DMTN: variants seen among roughly 807,000 people sequenced by gnomAD.
DMTN encodes the protein dematin.
DMTN carries 27 observed loss-of-function variants against 59.4 expected under a neutral mutation model. The observed-to-expected ratio is 0.45, with a 90% confidence interval of 0.33 to 0.63. The LOEUF (loss-of-function observed/expected upper bound fraction) is 0.63. Among genes scored for constraint, DMTN ranks in the 20% least tolerant of loss-of-function variants. DMTN has a pLI of 0.02. For synonymous variants in DMTN, 221 were observed against 203.7 expected (o/e 1.08, Z -0.72); for missense variants, 451 against 528.9 (o/e 0.85, Z 1.45).
Position 22,081,093 on chromosome 8 carries a change from GCCCCTC to G in DMTN, c.1024-15_1024-10del. 1.9e-6 allele frequency: 3 copies of G among 1,572,750 alleles called. No homozygotes were observed. The highest frequency in any genetic ancestry group is 2.6e-6 in the Non-Finnish European group (3 of 1,144,668). Reference sequence around the variant, plus strand: ...CAGGATATTCTGTGAGCCTAAGATTGCCCCTCCCCCCACCCCCAGATCTATCCCTAT... The same window carrying G: ...CAGGATATTCTGTGAGCCTAAGATTGCCCCCACCCCCAGATCTATCCCTAT... On this transcript the variant is annotated splice_polypyrimidine_tract_variant and intron_variant, in intron 14 of 15. Transcript: ENST00000358242.
rs1350362537 is a variant in DMTN, at chr8:22,080,845, C to A, written c.998C>A (p.Ser333Tyr). ...GQRGRMDRGN[S>Y]LPCVLEQKIY... ...AGGGGGAGGATGGACCGGGGGAACT[C>A]CCTGCCCTGTGTGCTGGAGCAGAAG... Residue 333 changes from serine to tyrosine, a missense_variant, in exon 14 of 16, where the codon TCC becomes TAC. Physicochemically the swap from Ser to Tyr is moderately radical, Grantham distance 144 (BLOSUM62 -2). Transcript: ENST00000358242. The A allele has an allele frequency of 6.3e-7, 1 of 1,591,470 alleles. No homozygotes were observed. The highest frequency in any genetic ancestry group is 2.2e-5 in the East Asian group (1 of 44,446).
Position 22,067,610 on chromosome 8 carries a change from C to T in DMTN, c.177C>T (p.Pro59=), listed in dbSNP as rs1366575497. Residue 59 remains proline (P), a synonymous_variant, in exon 4 of 16, where the codon CCC becomes CCT. Coordinates refer to ENST00000358242, the MANE Select transcript of DMTN (RefSeq NM_001387751.1). ...KDKAILDIER[P]DLMIYEPHFT... is the part of the protein sequence containing the mutation. ...AGGCCATCCTGGACATCGAGCGGCCCGACCTCATGATCTACGAGCCTCACT... is the reference window on the plus strand; with the variant it reads ...AGGCCATCCTGGACATCGAGCGGCCTGACCTCATGATCTACGAGCCTCACT... 1.2e-6 allele frequency: 2 copies of T among 1,614,056 alleles called. No individual in the cohort carries two copies. Among genetic ancestry groups the T allele is most frequent in the Non-Finnish European group, 8.5e-7 (1 of 1,180,048 alleles).
intron 3 of DMTN, 123 bp downstream of exon 3, chr8:22,067,282 C>A: frequency 8.3e-7 from 1 of 1,209,616 alleles, no homozygotes; most frequent in Non-Finnish European, 1.2e-6. Context: ...TGCTGGCGGG[C>A]AGAGAGAACC....
chr8:22,049,575 C>T (rs1399644827), upstream of DMTN, among the ~76,000 whole-genome samples: 1 of 150,572 alleles, frequency 6.6e-6, no homozygotes, highest in African/African-American at 2.4e-5. Context: ...GACAACCCCC[C>T]CCCCCCGCCA....
rs753759713 is a variant in DMTN at position 22,080,430 on chromosome 8, A to G, written c.919A>G (p.Ser307Gly). Residue 307 changes from serine (S) to glycine (G), a missense_variant, in exon 12 of 16, where the codon AGC becomes GGC. By Grantham distance (56) the Ser-to-Gly change is moderately conservative. Coordinates refer to ENST00000358242, the MANE Select transcript of DMTN (RefSeq NM_001387751.1). ...TTTCTAGCTACAGTCCACAGAGTTC[A>G]GCCCATCAGGGAGTGAGACTGGAAG... ...TLSRLQSTEFSPSGSETGSPG... is the reference protein window; with the variant it reads ...TLSRLQSTEFGPSGSETGSPG... The G allele has an allele frequency of 1.2e-6, 2 of 1,614,116 alleles. No homozygotes were observed. The highest frequency in any genetic ancestry group is 2.7e-5 in the African/African-American group (2 of 74,936).
intron 1 of DMTN, among the ~76,000 whole-genome samples, chr8:22,063,362 G>T (rs1005722466): frequency 3.8e-4 from 58 of 152,292 alleles, no homozygotes; most frequent in African/African-American, 1.4e-3. Context: ...GACCTGGATC[G>T]CCTCTGCCTG....
At chr8:22,075,151 C>T (rs1818705105) in intron 10 of DMTN, among the ~76,000 whole-genome samples, 1 of 149,112 alleles carries the variant, frequency 6.7e-6, no homozygotes, top group Non-Finnish European at 1.5e-5. Flanking sequence ...GGAGCCACTG[C>T]ACTCCAGCCT....
intron 10 of DMTN, 50 bp from the exon 11 acceptor site, chr8:22,080,130 G>T: frequency 1.2e-6 from 2 of 1,608,326 alleles, no homozygotes; most frequent in Non-Finnish European, 1.7e-6. Flanking sequence ...TCTCAGGAAG[G>T]GCTGTCAGGG....
At chr8:22,054,103 T>TACACAC (rs71916677), upstream of DMTN, among the ~76,000 whole-genome samples, 294 of 148,422 alleles carry the variant, frequency 2.0e-3, 4 homozygotes, top group East Asian at 0.043. Context: ...CCACCACCAA[T>TACACAC]ACACACACAC....
chr8:22,064,300 G>C (rs1309262413), intron 1 of DMTN, among the ~76,000 whole-genome samples: 2 of 152,266 alleles, frequency 1.3e-5, no homozygotes, highest in African/African-American at 4.8e-5. Flanking sequence ...GATAAGAGAG[G>C]AGAGGGAGCT....
rs146304843 is a variant in DMTN at position 22,058,211 on chromosome 8, C to T, written c.-172+1075C>T. 1.1e-3 allele frequency among the ~76,000 whole-genome samples: 161 copies of T among 152,214 alleles called. 2 individuals carry two copies. The highest frequency in any genetic ancestry group is 3.9e-4 in the East Asian group (2 of 5,158). On this transcript the variant is annotated intron_variant, in intron 1 of 15. Coordinates refer to ENST00000358242, the MANE Select transcript of DMTN (RefSeq NM_001387751.1). This position sits in a 1 kb window ranked among gnomAD's most constrained non-coding sequence, Gnocchi z 4.3. Reference sequence around the variant, plus strand: ...TGTGCCCACCTGTCCATCTTGTGTCCGTGCTGCCGGCCTCTCTGTGGTCAG... The same window carrying T: ...TGTGCCCACCTGTCCATCTTGTGTCTGTGCTGCCGGCCTCTCTGTGGTCAG...
At position 22,080,645 on chromosome 8, in the gene DMTN, GA is replaced by G. The variant is rs1164770023; in HGVS notation, c.957+22del. 6.2e-7 allele frequency: 1 copy of G among 1,600,498 alleles called. No individual in the cohort carries two copies. The highest frequency in any genetic ancestry group is 8.5e-7 in the Non-Finnish European group (1 of 1,173,380). On this transcript the variant is annotated intron_variant, in intron 13 of 15. Transcript: ENST00000358242. ...CTGCAGGTGAGTGCCTCCTGGAGGG[GA>G]ACAGGCAGAGCAGCAGAAGCTGGGT... is the stretch of plus-strand genomic sequence containing the variant.
At position 22,070,219 on chromosome 8, in the gene DMTN, C is replaced by A; in HGVS notation, c.489C>A (p.Ile163=). The A allele has an allele frequency of 8.1e-6, 13 of 1,608,412 alleles. No individual in the cohort carries two copies. The highest frequency in any genetic ancestry group is 1.1e-5 in the Non-Finnish European group (13 of 1,177,122). Residue 163 remains isoleucine (I), a synonymous_variant, in exon 8 of 16, where the codon ATC becomes ATA. Coordinates refer to ENST00000358242, the MANE Select transcript of DMTN (RefSeq NM_001387751.1). ...VGGSPQTKHL[I]EDLIIESSKF... ...GCAGCCCTCAGACCAAGCACCTCAT[C>A]GAGGATCTCATCATCGAGTCATCCA...
chr8:22,073,396 C>T (rs1321217205), intron 9 of DMTN, among the ~76,000 whole-genome samples: 1 of 151,942 alleles, frequency 6.6e-6, no homozygotes, highest in Non-Finnish European at 1.5e-5. Context: ...GAGGCCGAGG[C>T]AGGAGGATCA....
chr8:22,059,156 AG>A (rs1262226781), intron 1 of DMTN: 1 of 152,186 alleles, frequency 6.6e-6, no homozygotes, highest in Non-Finnish European at 1.5e-5. Flanking sequence ...AGAGGGTGAA[AG>A]GGAAAGAGGG....
At chr8:22,072,864 T>G (rs1482603874) in intron 9 of DMTN, among the ~76,000 whole-genome samples, 2 of 150,606 alleles carry the variant, frequency 1.3e-5, no homozygotes, top group Non-Finnish European at 3.0e-5. Flanking sequence ...TTGGAACATG[T>G]TGGGGAGCCG....
chr8:22,067,180 C>A, intron 3 of DMTN, 21 bp downstream of exon 3: 1 of 1,607,192 alleles, frequency 6.2e-7, no homozygotes, highest in Non-Finnish European at 8.5e-7. Flanking sequence ...CTCTCGGCCA[C>A]CAGCAACCCC....
upstream of DMTN, among the ~76,000 whole-genome samples, chr8:22,055,779 G>A (rs1017645315): frequency 1.3e-5 from 2 of 151,944 alleles, no homozygotes; most frequent in African/African-American, 4.8e-5. Flanking sequence ...GTCCCCACCA[G>A]CCAGATACTT....
chr8:22,063,403 T>C (rs1410945098), intron 1 of DMTN, among the ~76,000 whole-genome samples: 1 of 152,198 alleles, frequency 6.6e-6, no homozygotes, highest in African/African-American at 2.4e-5. Flanking sequence ...GCCACCAGAT[T>C]CATTTTCCCA....
Sources: allele counts gnomAD v4.1 joint callset (sites outside exome capture counted in the v4.1 genomes callset), GRCh38; gene constraint gnomAD v4.1.1; non-coding constraint Gnocchi (gnomAD v3.1); transcripts MANE v1.5; gene names NCBI Gene and HGNC (gene_info 2026-07-23, HGNC 2026-07-21).